Variants in APOBEC3H observed in about 807,000 individuals in gnomAD.
APOBEC3H encodes the protein apolipoprotein B mRNA editing enzyme catalytic subunit 3H, also known as DNA dC->dU-editing enzyme APOBEC-3H.
Under a neutral mutation model 21.2 loss-of-function variants are expected in APOBEC3H, and 8 were observed. The observed-to-expected ratio is 0.38, with a 90% CI of 0.22 to 0.68. The LOEUF (loss-of-function observed/expected upper bound fraction) is 0.68. Among genes scored for constraint, APOBEC3H ranks in the 30% least tolerant of loss-of-function variants. APOBEC3H has a pLI of 0.52. For missense variants in APOBEC3H, 229 were observed against 228.1 expected (o/e 1.00, Z -0.03); for synonymous variants, 88 against 91.0 (o/e 0.97, Z 0.19).
intron 1 of APOBEC3H, among the ~76,000 whole-genome samples, chr22:39,099,122 GA>G (rs777187656): frequency 2.0e-5 from 3 of 152,064 alleles, no homozygotes; most frequent in Non-Finnish European, 4.4e-5. Flanking sequence ...TTGAACCCGG[GA>G]GAATCACTTG....
chr22:39,097,709 G>A (rs1448358957), intron 1 of APOBEC3H, among the ~76,000 whole-genome samples: 1 of 152,176 alleles, frequency 6.6e-6, no homozygotes, highest in Non-Finnish European at 1.5e-5. Context: ...GAGCAATCTG[G>A]AATTTTGTTC....
intron 1 of APOBEC3H, among the ~76,000 whole-genome samples, chr22:39,099,484 G>T (rs1422972125): frequency 1.3e-5 from 2 of 152,020 alleles, no homozygotes; most frequent in Non-Finnish European, 2.9e-5. Context: ...TGTAGGGGTC[G>T]AGAGGCCTGT....
chr22:39,098,305 C>G (rs561195351), intron 1 of APOBEC3H, among the ~76,000 whole-genome samples: 1 of 152,226 alleles, frequency 6.6e-6, no homozygotes, highest in Non-Finnish European at 1.5e-5. Context: ...AGCGCAATCT[C>G]GGCTCACTAC....
chr22:39,098,201 A>G (rs192892942), intron 1 of APOBEC3H, among the ~76,000 whole-genome samples: 94 of 152,306 alleles, frequency 6.2e-4, no homozygotes, highest in Non-Finnish European at 1.1e-3. Context: ...CACTTAGAAG[A>G]GTGGCCTGGG....
chr22:39,100,884 A>G (rs1261496877), intron 2 of APOBEC3H, among the ~76,000 whole-genome samples: 6 of 149,444 alleles, frequency 4.0e-5, no homozygotes. Flanking sequence ...CGGGTTGGAC[A>G]CAGCCTCCTA....
In APOBEC3H at chr22:39,101,191, C is replaced by A. The variant is rs1555909037; in HGVS notation, c.151-46C>A. 5.4e-6 allele frequency: 7 copies of A among 1,291,486 alleles called. No individual in the cohort carries two copies. The South Asian group carries it at 6.1e-5, about 11-fold the overall frequency. The allele number at this position is 1,291,486 out of a possible 1,614,324, so 80.0% of individuals were successfully genotyped here. A position where few individuals can be genotyped will look rare whatever the true frequency, so the allele number is the denominator to read the frequency against. On this transcript the variant is annotated intron_variant, in intron 2 of 4. Coordinates refer to ENST00000442487, the MANE Select transcript of APOBEC3H (RefSeq NM_181773.5). The stretch of plus-strand genomic sequence containing the variant: ...CCGCCCCCAGTCACATGACTCCTGG[C>A]CTCTCTCTTCTCCCCTCCCTTCTCT...
At chr22:39,102,473 T>C (rs1225970528) in intron 4 of APOBEC3H, 3 of 704,236 alleles carry the variant, frequency 4.3e-6, no homozygotes, top group Admixed American at 2.0e-5. Flanking sequence ...CTTTTTTGTG[T>C]TCTCCTCTCG....
intron 4 of APOBEC3H, 93 bp downstream of exon 4, chr22:39,102,135 A>C: frequency 6.7e-7 from 1 of 1,486,460 alleles, no homozygotes; most frequent in Non-Finnish European, 8.9e-7. Flanking sequence ...CCTTACCCCT[A>C]CCTTTTTTTC....
At position 39,101,405 on chromosome 22, in the gene APOBEC3H, T is replaced by C; in HGVS notation, c.319T>C (p.Phe107Leu). Residue 107 changes from phenylalanine (F) to leucine (L), a missense_variant, in exon 3 of 5, where the codon TTC (phenylalanine) becomes CTC (leucine). Coordinates refer to ENST00000442487, the MANE Select transcript of APOBEC3H (RefSeq NM_181773.5). ...KAHDHLNLGI[F>L]ASRLYYHWCK... ...TCACGACCATCTGAACCTGGGCATC[T>C]TCGCCTCCCGCCTGTACTACCACTG... 3 of 1,611,654 alleles carry C rather than the reference T, an allele frequency of 1.9e-6. No individual in the cohort carries two copies. Among genetic ancestry groups the C allele is most frequent in the Non-Finnish European group, 2.5e-6 (3 of 1,179,288 alleles).
At chr22:39,097,383 A>C (rs1929065132) in intron 1 of APOBEC3H, 40 bp downstream of exon 1, 1 of 152,920 alleles carries the variant, frequency 6.5e-6, no homozygotes, top group African/African-American at 2.4e-5. Flanking sequence ...CTCTGCTGCC[A>C]CTTCCTGCCT....
Position 39,100,330 on chromosome 22 carries a change from C to G in APOBEC3H, c.52C>G (p.Arg18Gly), listed in dbSNP as rs1569093026. ...CCGCTTACAGTTTAACAACAAGCGCCGCCTCAGAAGGCCTTACTACCCGAG... is the reference window on the plus strand; with the variant it reads ...CCGCTTACAGTTTAACAACAAGCGCGGCCTCAGAAGGCCTTACTACCCGAG... Reference protein sequence around the residue: ...TFRLQFNNKRRLRRPYYPRKA... With the variant: ...TFRLQFNNKRGLRRPYYPRKA... The change falls in exon 2 of 5, where the codon CGC becomes GGC. Residue 18 changes from arginine to glycine, a missense_variant. By Grantham distance (125) the Arg-to-Gly change is moderately radical. Transcript: ENST00000442487. 2 of 1,613,932 alleles carry G rather than the reference C, an allele frequency of 1.2e-6. No individual in the cohort carries two copies. The highest frequency in any genetic ancestry group is 1.3e-5 in the African/African-American group (1 of 74,894).
At chr22:39,102,183 C>A in intron 4 of APOBEC3H, 141 bp downstream of exon 4, 1 of 1,285,576 alleles carries the variant, frequency 7.8e-7, no homozygotes, top group Non-Finnish European at 1.0e-6. Context: ...GGGTCTCACT[C>A]TGTCACCCAG....
rs1193716879 is a variant in APOBEC3H, at chr22:39,101,316, C to T, written c.230C>T (p.Thr77Ile). The stretch of plus-strand genomic sequence containing the variant: ...GACGAAACGCAGTGCTACCAAGTCA[C>T]CTGTTACCTCACGTGGAGCCCCTGC... ...GLDETQCYQV[T>I]CYLTWSPCSS... The change falls in exon 3 of 5, where the codon ACC becomes ATC. Residue 77 changes from threonine to isoleucine, a missense_variant. By Grantham distance (89) the Thr-to-Ile change is moderately conservative. Transcript: ENST00000442487. 1 of 1,613,516 alleles carries T rather than the reference C, an allele frequency of 6.2e-7. No individual in the cohort carries two copies. Among genetic ancestry groups the T allele is most frequent in the Admixed American group, 1.7e-5 (1 of 59,912 alleles).
chr22:39,100,829 T>TCCCCGCC (rs1309477583), intron 2 of APOBEC3H, among the ~76,000 whole-genome samples: 13 of 149,944 alleles, frequency 8.7e-5, no homozygotes, highest in Admixed American at 7.9e-4. Flanking sequence ...CCTCCCCGCC[T>TCCCCGCC]CCCCGCCCCC....
At chr22:39,100,744 G>A (rs1240981617) in intron 2 of APOBEC3H, among the ~76,000 whole-genome samples, 1 of 152,128 alleles carries the variant, frequency 6.6e-6, no homozygotes, top group Non-Finnish European at 1.5e-5. Flanking sequence ...AAGCCGAGGT[G>A]CCGTGCCACG....
At position 39,101,454 on chromosome 22, in the gene APOBEC3H, T is replaced by C; in HGVS notation, c.368T>C (p.Leu123Pro). ...TGGTGCAAGCCCCAGCAGAAGGGGC[T>C]GCGGCTTCTGTGTGGATCCCAGGTC... ...YHWCKPQQKGLRLLCGSQVPV... is the reference protein window; with the variant it reads ...YHWCKPQQKGPRLLCGSQVPV... The change falls in exon 3 of 5, where the codon CTG (leucine) becomes CCG (proline). Residue 123 changes from leucine (L) to proline (P), a missense_variant. By Grantham distance (98) the Leu-to-Pro change is moderately conservative. Transcript: ENST00000442487. 2.5e-6 allele frequency: 4 copies of C among 1,609,920 alleles called. No individual in the cohort carries two copies. Among genetic ancestry groups the C allele is most frequent in the Non-Finnish European group, 3.4e-6 (4 of 1,178,980 alleles).
chr22:39,102,071 G>A (rs746269861), intron 4 of APOBEC3H, 29 bp downstream of exon 4: 8 of 1,608,192 alleles, frequency 5.0e-6, no homozygotes, highest in South Asian at 2.2e-5. Flanking sequence ...TGCTGCCCCC[G>A]ACCTCCTCAC....
At chr22:39,102,274 G>A (rs763217176) in intron 4 of APOBEC3H, among the ~76,000 whole-genome samples, 2 of 151,902 alleles carry the variant, frequency 1.3e-5, no homozygotes, top group African/African-American at 4.8e-5. Context: ...TCAGCCTCCC[G>A]AGTAGCTGGG....
In APOBEC3H at chr22:39,101,320, T is replaced by G. The variant is rs1451911675; in HGVS notation, c.234T>G (p.Cys78Trp). ...LDETQCYQVT[C>W]YLTWSPCSSC... The stretch of plus-strand genomic sequence containing the variant: ...AAACGCAGTGCTACCAAGTCACCTG[T>G]TACCTCACGTGGAGCCCCTGCTCCT... Residue 78 changes from cysteine (C) to tryptophan (W), a missense_variant, in exon 3 of 5, where the codon TGT becomes TGG. Transcript: ENST00000442487. The G allele has an allele frequency of 1.9e-6, 3 of 1,613,412 alleles. No homozygotes were observed. Among genetic ancestry groups the G allele is most frequent in the Non-Finnish European group, 8.5e-7 (1 of 1,179,890 alleles).
Sources: allele counts gnomAD v4.1 joint callset (sites outside exome capture counted in the v4.1 genomes callset), GRCh38; gene constraint gnomAD v4.1.1; transcripts MANE v1.5; gene names NCBI Gene and HGNC (gene_info 2026-07-23, HGNC 2026-07-21).